The following CAST variants were observed in gnomAD, a reference collection of about 807,000 sequenced individuals.
CAST encodes the protein MIR583 host.
Under a neutral mutation model 119.6 loss-of-function variants are expected in CAST, and 76 were observed. That is an observed-to-expected ratio of 0.64 (90% confidence interval 0.53 to 0.77). The LOEUF is 0.77. Ranked by LOEUF, CAST falls within the 30% of genes least tolerant of loss-of-function variation. The pLI is 0.00. For missense variants in CAST, 953 were observed against 946.5 expected (o/e 1.01, Z -0.09); for synonymous variants, 319 against 331.6 (o/e 0.96, Z 0.41).
intron 1 of CAST, chr5:96,630,825 A>C (rs1747807270): frequency 7.1e-6 from 1 of 141,742 alleles, no homozygotes; most frequent in South Asian, 2.3e-4. Context: ...CTCGAAAGAA[A>C]GAGAGAGAGA....
chr5:96,077,087 GTATC>G, the CAST span, among the ~76,000 whole-genome samples: 1 of 151,634 alleles, frequency 6.6e-6, no homozygotes, highest in Middle Eastern at 3.4e-3. Context: ...ATATTTCATA[GTATC>G]TATCCTAATT....
the CAST span, among the ~76,000 whole-genome samples, chr5:96,125,081 A>G: frequency 6.6e-6 from 1 of 152,182 alleles, no homozygotes; most frequent in Admixed American, 6.5e-5. Context: ...AGAACAGTTT[A>G]TGTATATCGT....
At chr5:96,068,948 A>C in the CAST span, among the ~76,000 whole-genome samples, 2 of 149,854 alleles carry the variant, frequency 1.3e-5, no homozygotes, top group Non-Finnish European at 3.0e-5. Flanking sequence ...CATGAAGACA[A>C]AATCGACAGG....
the CAST span, among the ~76,000 whole-genome samples, chr5:96,341,511 A>G: frequency 6.6e-6 from 1 of 152,268 alleles, no homozygotes; most frequent in East Asian, 1.9e-4. Flanking sequence ...TGTAAGTGCC[A>G]GGATAACAAC....
At chr5:96,165,710 AGT>A in the CAST span, among the ~76,000 whole-genome samples, 2 of 152,314 alleles carry the variant, frequency 1.3e-5, no homozygotes, top group South Asian at 4.2e-4. Context: ...ATTTGATGAA[AGT>A]GTTCTGACAT....
At chr5:96,275,706 A>G in the CAST span, among the ~76,000 whole-genome samples, 2 of 152,172 alleles carry the variant, frequency 1.3e-5, no homozygotes, top group African/African-American at 4.8e-5. Flanking sequence ...TACTTACCTA[A>G]TTTACATAGC....
At chr5:96,043,344 T>C in the CAST span, among the ~76,000 whole-genome samples, 3 of 152,218 alleles carry the variant, frequency 2.0e-5, no homozygotes, top group African/African-American at 7.2e-5. Context: ...AAATTGAAAT[T>C]ATTTAAAACA....
chr5:96,534,784 AG>A (rs1482076576), intron 1 of CAST, among the ~76,000 whole-genome samples: 2 of 138,434 alleles, frequency 1.4e-5, no homozygotes, highest in Non-Finnish European at 3.2e-5. Flanking sequence ...AAAGAAAGAA[AG>A]AAAGAAAGAA....
chr5:96,751,162 G>A (rs760034871), intron 20 of CAST, among the ~76,000 whole-genome samples: 6 of 152,040 alleles, frequency 3.9e-5, no homozygotes, highest in Non-Finnish European at 8.8e-5. Context: ...ATTTTCACAT[G>A]AAGTATGATA....
At chr5:96,753,157 C>T (rs540637743) in intron 20 of CAST, among the ~76,000 whole-genome samples, 4 of 152,002 alleles carry the variant, frequency 2.6e-5, no homozygotes, top group Non-Finnish European at 5.9e-5. Context: ...TCATGCCTGG[C>T]TAATTTTTAA....
At chr5:96,347,385 C>T in the CAST span, among the ~76,000 whole-genome samples, 2 of 152,138 alleles carry the variant, frequency 1.3e-5, no homozygotes, top group Admixed American at 6.6e-5. Context: ...CTCAGAAGTC[C>T]GTGCTTATCC....
upstream of CAST, among the ~76,000 whole-genome samples, chr5:96,658,333 AG>A (rs1174720283): frequency 6.6e-6 from 1 of 152,166 alleles, no homozygotes; most frequent in Admixed American, 6.6e-5. Flanking sequence ...CAAACCAAAA[AG>A]AAAAAAAAAA....
At chr5:96,166,098 G>T in the CAST span, among the ~76,000 whole-genome samples, 1 of 152,090 alleles carries the variant, frequency 6.6e-6, no homozygotes, top group African/African-American at 2.4e-5. Flanking sequence ...TCCACATGGC[G>T]CTCCTGAGTC....
chr5:95,978,072 C>A, the CAST span, among the ~76,000 whole-genome samples: 263 of 152,040 alleles, frequency 1.7e-3, 2 homozygotes, highest in African/African-American at 6.0e-3. Flanking sequence ...AGGGTGATTC[C>A]ATGTCTTTAC....
chr5:96,767,796 A>C (rs967045391), intron 28 of CAST, 111 bp from the exon 29 acceptor site: 3 of 678,242 alleles, frequency 4.4e-6, no homozygotes, highest in African/African-American at 3.7e-5. Context: ...AATGTCAGTC[A>C]GTTTTTTTCT....
the CAST span, among the ~76,000 whole-genome samples, chr5:96,061,783 G>A: frequency 6.6e-6 from 1 of 151,986 alleles, no homozygotes; most frequent in African/African-American, 2.4e-5. Flanking sequence ...AGGATAAGGA[G>A]GTCTGGGGAG....
chr5:96,252,948 G>A, the CAST span, among the ~76,000 whole-genome samples: 3 of 151,906 alleles, frequency 2.0e-5, no homozygotes, highest in African/African-American at 7.3e-5. Flanking sequence ...CAGCTGTTAC[G>A]GACTTGGTAA....
chr5:96,474,121 T>C, the CAST span, among the ~76,000 whole-genome samples: 44,730 of 152,064 alleles, frequency 0.29, 7,390 homozygotes, highest in African/African-American at 0.41. Context: ...GGCTTTAAGA[T>C]GCAATTAGGA....
chr5:96,662,902 G>T, intron 1 of CAST: 2 of 575,846 alleles, frequency 3.5e-6, no homozygotes, highest in South Asian at 4.2e-5. Flanking sequence ...GCCTGGAGAC[G>T]CAGAGCCTCT....
Sources: allele counts gnomAD v4.1 joint callset (sites outside exome capture counted in the v4.1 genomes callset), GRCh38; gene constraint gnomAD v4.1.1; transcripts MANE v1.5; gene names NCBI Gene and HGNC (gene_info 2026-07-23, HGNC 2026-07-21).